RHCE: variants seen among roughly 807,000 people sequenced by gnomAD.
RHCE encodes blood group Rh(CE) polypeptide.
In RHCE, 22 loss-of-function variants were observed where a neutral mutation model predicts 43.8. That is an observed-to-expected ratio of 0.50 (90% CI 0.36 to 0.72). The LOEUF is 0.72. Among genes scored for constraint, RHCE ranks in the 30% least tolerant of loss-of-function variants. The pLI is 0.00. For missense variants in RHCE, 385 were observed against 525.4 expected (o/e 0.73, Z 2.61); for synonymous variants, 156 against 210.7 (o/e 0.74, Z 2.25).
At chr1:25,394,758 A>G (rs1426551242) in intron 3 of RHCE, among the ~76,000 whole-genome samples, 1 of 152,214 alleles carries the variant, frequency 6.6e-6, no homozygotes, top group Admixed American at 6.5e-5. Context: ...CAGTTTCCTG[A>G]TAAGAACTGA....
intron 3 of RHCE, among the ~76,000 whole-genome samples, chr1:25,401,910 CTT>C (rs1345966281): frequency 6.6e-6 from 1 of 151,538 alleles, no homozygotes; most frequent in Non-Finnish European, 1.5e-5. Flanking sequence ...AAGTCTTGCT[CTT>C]GTCCCCCAGG....
intron 3 of RHCE, among the ~76,000 whole-genome samples, chr1:25,396,708 G>C (rs974802369): frequency 4.6e-5 from 7 of 152,120 alleles, no homozygotes; most frequent in African/African-American, 1.7e-4. Flanking sequence ...GAACAGCATG[G>C]GGGAAACCAC....
chr1:25,424,162 G>A (rs558815110), upstream of RHCE, among the ~76,000 whole-genome samples: 12 of 152,166 alleles, frequency 7.9e-5, no homozygotes, highest in African/African-American at 2.2e-4. Flanking sequence ...TAATGTAAGC[G>A]TTCTAAGCAT....
In RHCE at chr1:25,382,203, A is replaced by G. The variant is rs978623292; in HGVS notation, c.1073+3508T>C. On this transcript the variant is annotated intron_variant, in intron 7 of 9. Transcript: ENST00000294413. ...AAGGCCCTTCCTCCAAATAGCATCA[A>G]CATATGAATTGAAGGATTAAGTTTC... Among the ~76,000 whole-genome samples the G allele has an allele frequency of 8.8e-5, 13 of 148,316 alleles. 1 individual carries two copies. Among genetic ancestry groups the G allele is most frequent in the African/African-American group, 2.9e-4 (11 of 37,748 alleles).
chr1:25,399,017 C>T, intron 3 of RHCE: 1 of 1,524,586 alleles, frequency 6.6e-7, no homozygotes, highest in Non-Finnish European at 9.1e-7. Flanking sequence ...CTGCAGCCCT[C>T]ACTCTTCATG....
intron 1 of RHCE, among the ~76,000 whole-genome samples, chr1:25,418,078 GA>G (rs2042648672): frequency 6.6e-6 from 1 of 152,144 alleles, no homozygotes. Flanking sequence ...ACCCAGGCTG[GA>G]GTGCAGTGGC....
At chr1:25,380,662 C>A (rs1571849600) in intron 7 of RHCE, among the ~76,000 whole-genome samples, 1 of 152,320 alleles carries the variant, frequency 6.6e-6, no homozygotes, top group East Asian at 1.9e-4. Flanking sequence ...ACACCTGTGG[C>A]CACTTGAACC....
At chr1:25,424,544 C>T (rs1194938062), upstream of RHCE, among the ~76,000 whole-genome samples, 5 of 152,078 alleles carry the variant, frequency 3.3e-5, no homozygotes, top group Admixed American at 2.0e-4. Flanking sequence ...CGCGATACCA[C>T]ACCTGGCTAG....
At chr1:25,397,571 C>G (rs1646592171) in intron 3 of RHCE, among the ~76,000 whole-genome samples, 1 of 152,094 alleles carries the variant, frequency 6.6e-6, no homozygotes, top group Non-Finnish European at 1.5e-5. Flanking sequence ...ATCCCCAGCT[C>G]CCTTGAAGAA....
In RHCE at chr1:25,389,004, A is replaced by T. The variant is rs1343594055; in HGVS notation, c.911T>A (p.Ile304Asn). The T allele has an allele frequency of 6.2e-7, 1 of 1,614,088 alleles. No individual in the cohort carries two copies. The highest frequency in any genetic ancestry group is 1.3e-5 in the African/African-American group (1 of 74,924). ...AMVLGLVAGL[I>N]SIGGAKCLPV... ...CAGGCACTTGGCTCCCCCGATGGAG[A>T]TCAGCCCAGCCACAAGACCCAGCAC... The change falls in exon 6 of 10, where the codon ATC becomes AAC. Residue 304 changes from isoleucine (I) to asparagine (N), a missense_variant. Around this residue, in one of 6 missense-constraint regions of RHCE, gnomAD observed 56 missense variants for 90.0 expected, o/e 0.62. Transcript: ENST00000294413.
intron 3 of RHCE, among the ~76,000 whole-genome samples, chr1:25,400,491 C>T (rs1187653100): frequency 1.3e-5 from 2 of 151,276 alleles, no homozygotes; most frequent in African/African-American, 4.9e-5. Context: ...TGTCCCCCCT[C>T]TAAAATGCAG....
intron 3 of RHCE, among the ~76,000 whole-genome samples, chr1:25,401,693 T>G (rs1646747987): frequency 6.6e-6 from 1 of 152,228 alleles, no homozygotes; most frequent in South Asian, 2.1e-4. Context: ...GACCCACTGC[T>G]GGTGAGGCTC....
At chr1:25,372,258 G>C (rs1017347983) in intron 8 of RHCE, among the ~76,000 whole-genome samples, 9 of 151,640 alleles carry the variant, frequency 5.9e-5, no homozygotes, top group Non-Finnish European at 1.3e-4. Flanking sequence ...AGTGGCTTAT[G>C]CCTGTAATCC....
intron 1 of RHCE, among the ~76,000 whole-genome samples, chr1:25,418,959 T>A (rs1259472207): frequency 6.6e-6 from 1 of 152,158 alleles, no homozygotes; most frequent in East Asian, 1.9e-4. Context: ...ACCTACTGGG[T>A]TATATGACAA....
chr1:25,416,155 T>C (rs1183686744), intron 1 of RHCE, among the ~76,000 whole-genome samples: 1 of 152,106 alleles, frequency 6.6e-6, no homozygotes. Flanking sequence ...TCTCCTAGCT[T>C]TGGAAGGTGC....
exon 1 of RHCE, chr1:25,430,023 A>T (rs931892294): frequency 1.3e-5 from 2 of 151,868 alleles, no homozygotes; most frequent in African/African-American, 4.8e-5. Context: ...GCCTTGCAGG[A>T]GCCCGGACCC....
chr1:25,406,662 G>C (rs1222393128), intron 2 of RHCE, among the ~76,000 whole-genome samples: 3 of 106,946 alleles, frequency 2.8e-5, no homozygotes, highest in African/African-American at 8.6e-5. Context: ...GTCTCGCTCT[G>C]TCGCCCAGGC....
intron 1 of RHCE, among the ~76,000 whole-genome samples, chr1:25,410,051 C>T (rs1040090961): frequency 4.6e-5 from 7 of 152,100 alleles, no homozygotes; most frequent in African/African-American, 1.2e-4. Flanking sequence ...TGCCCACCAC[C>T]GTGCCCGGCT....
chr1:25,380,001 C>G (rs891965031), intron 7 of RHCE, among the ~76,000 whole-genome samples: 4 of 150,916 alleles, frequency 2.7e-5, no homozygotes, highest in Admixed American at 1.3e-4. Context: ...TTAACTTGTT[C>G]CAGCACCAAC....
Sources: allele counts gnomAD v4.1 joint callset (sites outside exome capture counted in the v4.1 genomes callset), GRCh38; gene constraint gnomAD v4.1.1; regional missense constraint gnomAD v4.1.1; transcripts MANE v1.5; gene names NCBI Gene and HGNC (gene_info 2026-07-23, HGNC 2026-07-21).